The following LGR4 variants were observed in gnomAD, a reference collection of about 807,000 sequenced individuals.
LGR4 encodes leucine-rich repeat-containing G protein-coupled receptor 4.
In LGR4, 44 loss-of-function variants were observed where a neutral mutation model predicts 84.8. The ratio of observed to expected loss-of-function variants is 0.52; its 90% CI spans 0.41 to 0.67. LGR4 has a LOEUF of 0.67. LGR4 is among the 30% of genes least tolerant of loss of function. The pLI, the probability that LGR4 is intolerant of heterozygous loss-of-function variation, is 0.00. For synonymous variants in LGR4, 429 were observed against 434.3 expected, an observed-to-expected ratio of 0.99 and a Z score of 0.15; for missense variants, 1,032 against 1,131.4, an observed-to-expected ratio of 0.91 and a Z score of 1.26.
chr11:27,403,576 T>G (rs1863545426), intron 2 of LGR4, among the ~76,000 whole-genome samples: 2 of 152,218 alleles, frequency 1.3e-5, no homozygotes, highest in South Asian at 4.1e-4. Flanking sequence ...CTAGATGTAT[T>G]AATATGTAAA....
chr11:27,372,171 T>C, intron 16 of LGR4, 112 bp downstream of exon 16: 1 of 741,914 alleles, frequency 1.3e-6, no homozygotes, highest in East Asian at 2.6e-5. Flanking sequence ...GGCCAGACAA[T>C]GCCATTTTTC....
At chr11:27,386,639 C>T (rs1196328493) in intron 4 of LGR4, among the ~76,000 whole-genome samples, 1 of 152,170 alleles carries the variant, frequency 6.6e-6, no homozygotes, top group Non-Finnish European at 1.5e-5. Flanking sequence ...TCCCTTTCCA[C>T]CACAGTCAAG....
chr11:27,369,390 A>G (rs2133358988), intron 17 of LGR4, among the ~76,000 whole-genome samples: 1 of 152,300 alleles, frequency 6.6e-6, no homozygotes, highest in South Asian at 2.1e-4. Context: ...TTTATTAAAT[A>G]TTTGATAAAG....
At position 27,447,802 on chromosome 11, in the gene LGR4, T is replaced by C. The variant is rs1282076540; in HGVS notation, c.185+24316A>G. 2.0e-5 allele frequency among the ~76,000 whole-genome samples: 3 copies of C among 152,214 alleles called. No individual in the cohort carries two copies. In the East Asian group the frequency reaches 5.8e-4, roughly 29 times the overall value. ...TTGTATTCATGGCTGACACTATGCT[T>C]TCACAATATGTTTGACTAATGTGCA... On this transcript the variant is annotated intron_variant, in intron 1 of 17. Transcript: ENST00000379214.
At chr11:27,377,043 T>C (rs986061966) in intron 12 of LGR4, 115 bp downstream of exon 12, 7 of 599,534 alleles carry the variant, frequency 1.2e-5, no homozygotes, top group African/African-American at 1.9e-5. Flanking sequence ...TATGGGAACA[T>C]CTGATTACAG....
intron 1 of LGR4, among the ~76,000 whole-genome samples, chr11:27,415,594 C>T (rs1863801396): frequency 6.6e-6 from 1 of 152,092 alleles, no homozygotes; most frequent in Non-Finnish European, 1.5e-5. Flanking sequence ...GTTTTTATTT[C>T]AAAGCTTCAG....
chr11:27,384,790 A>G (rs1487664237), intron 5 of LGR4, among the ~76,000 whole-genome samples: 1 of 152,220 alleles, frequency 6.6e-6, no homozygotes, highest in Non-Finnish European at 1.5e-5. Flanking sequence ...GGAAGTGTGT[A>G]GTTTACACCA....
chr11:27,458,587 G>A (rs1864618072), intron 1 of LGR4, among the ~76,000 whole-genome samples: 1 of 151,392 alleles, frequency 6.6e-6, no homozygotes, highest in Admixed American at 6.6e-5. Context: ...CACCCAGGCT[G>A]GAATGCAATG....
intron 1 of LGR4, among the ~76,000 whole-genome samples, chr11:27,458,929 T>C (rs948239974): frequency 2.0e-5 from 3 of 152,086 alleles, no homozygotes; most frequent in Admixed American, 6.5e-5. Context: ...GATAAAAATA[T>C]GGAGGCAATA....
intron 1 of LGR4, among the ~76,000 whole-genome samples, chr11:27,461,345 A>G (rs75401191): frequency 6.9e-6 from 1 of 144,972 alleles, no homozygotes; most frequent in Admixed American, 6.9e-5. Context: ...TCCATAAATT[A>G]AAAAAAAAAA....
rs1279849031 is a variant in LGR4 at position 27,370,768 on chromosome 11, T to TGGATC, written c.1579+846_1579+847insGATCC. On this transcript the variant is annotated intron_variant, in intron 17 of 17. Coordinates refer to ENST00000379214, the MANE Select transcript of LGR4 (RefSeq NM_018490.5). ...CCTTCTCATTGGATCATCAGTTCTT[T>TGGATC]ATGTACATTCTCTGGCACATGAACT... Among the ~76,000 whole-genome samples, 3 of 152,300 alleles carry TGGATC rather than the reference T, an allele frequency of 2.0e-5. No individual in the cohort carries two copies. In the East Asian group the frequency reaches 5.8e-4, roughly 30 times the overall value.
rs1387027646 is a variant in LGR4, at chr11:27,366,013, C to T, written c.*1854G>A. The T allele has an allele frequency of 2.0e-5, 3 of 152,370 alleles. No individual in the cohort carries two copies. The highest frequency in any genetic ancestry group is 4.4e-5 in the Non-Finnish European group (3 of 67,944). The allele number at this position is 152,370 out of a possible 1,614,324, so 9.4% of individuals were successfully genotyped here. A position where few individuals can be genotyped will look rare whatever the true frequency, so the allele number is the denominator to read the frequency against. On this transcript the variant is annotated 3_prime_UTR_variant, in exon 18 of 18. Transcript: ENST00000379214. ...AAACACTGAGTACAATATTGTATTTCATACCATATAGCACAAAGATTAACA... is the reference window on the plus strand; with the variant it reads ...AAACACTGAGTACAATATTGTATTTTATACCATATAGCACAAAGATTAACA...
At position 27,385,396 on chromosome 11, in the gene LGR4, C is replaced by G; in HGVS notation, c.474G>C (p.Leu158=). The G allele has an allele frequency of 6.2e-7, 1 of 1,612,696 alleles. No homozygotes were observed. Among genetic ancestry groups the G allele is most frequent in the Non-Finnish European group, 8.5e-7 (1 of 1,179,568 alleles). The change falls in exon 5 of 18, where the codon CTG becomes CTC. Residue 158 remains leucine, a synonymous_variant. Coordinates refer to ENST00000379214, the MANE Select transcript of LGR4 (RefSeq NM_018490.5). The part of the protein sequence containing the change: ...SFEGLVQLRH[L]WLDDNSLTEV... ...CCGTCAAGCTGTTGTCATCCAGCCA[C>G]AGATGCCGTAACTGAACAAGTCCTT...
chr11:27,451,384 A>G (rs779948820), intron 1 of LGR4, among the ~76,000 whole-genome samples: 6 of 152,232 alleles, frequency 3.9e-5, no homozygotes, highest in Non-Finnish European at 4.4e-5. Flanking sequence ...GGAATTGCTT[A>G]CTGAGCAACC....
chr11:27,369,073 C>G lies in LGR4; in HGVS notation c.1650G>C (p.Leu550Phe). Residue 550 changes from leucine to phenylalanine, a missense_variant, in exon 18 of 18, where the codon TTG becomes TTC. By Grantham distance (22) the Leu-to-Phe change is conservative. Transcript: ENST00000379214. Reference sequence around the variant, plus strand: ...CAAGCAGGTTGAAAAATAATGCAACCAAGAAAATGAACCACACAGTAAGAC... The same window carrying G: ...CAAGCAGGTTGAAAAATAATGCAACGAAGAAAATGAACCACACAGTAAGAC... ...MIRLTVWFIF[L>F]VALFFNLLVI... 3.1e-6 allele frequency: 5 copies of G among 1,613,520 alleles called. No homozygotes were observed. The highest frequency in any genetic ancestry group is 1.1e-5 in the South Asian group (1 of 91,002).
intron 1 of LGR4, among the ~76,000 whole-genome samples, chr11:27,426,521 A>G (rs1246991648): frequency 6.6e-6 from 1 of 152,230 alleles, no homozygotes; most frequent in African/African-American, 2.4e-5. Flanking sequence ...AGCCTGCTGT[A>G]TAACTCTTAC....
chr11:27,367,800 G>C lies in LGR4; in HGVS notation c.*67C>G, dbSNP rs1862794577. The C allele has an allele frequency of 8.6e-7, 1 of 1,160,450 alleles. No individual in the cohort carries two copies. The allele number at this position is 1,160,450 out of a possible 1,614,324, so 71.9% of individuals were successfully genotyped here. On this transcript the variant is annotated 3_prime_UTR_variant, in exon 18 of 18. Coordinates refer to ENST00000379214, the MANE Select transcript of LGR4 (RefSeq NM_018490.5). Reference sequence around the variant, plus strand: ...CAGAAGTGCTTCCCAGATGAAAGATGAGAATAGGGTTCACTCTATAAACAC... The same window carrying C: ...CAGAAGTGCTTCCCAGATGAAAGATCAGAATAGGGTTCACTCTATAAACAC...
intron 1 of LGR4, among the ~76,000 whole-genome samples, chr11:27,455,664 G>A (rs934952835): frequency 2.0e-5 from 3 of 152,146 alleles, no homozygotes; most frequent in African/African-American, 4.8e-5. Flanking sequence ...AACCTCTCCA[G>A]AATTAATTCC....
intron 2 of LGR4, among the ~76,000 whole-genome samples, chr11:27,410,466 G>T (rs1401570352): frequency 1.3e-5 from 2 of 151,958 alleles, no homozygotes; most frequent in African/African-American, 2.4e-5. Context: ...TCTACTCAGG[G>T]CATTTGGCTT....
Sources: allele counts gnomAD v4.1 joint callset (sites outside exome capture counted in the v4.1 genomes callset), GRCh38; gene constraint gnomAD v4.1.1; transcripts MANE v1.5; gene names NCBI Gene and HGNC (gene_info 2026-07-23, HGNC 2026-07-21).